ERP44: variants seen among roughly 807,000 people sequenced by gnomAD.
ERP44 encodes the protein endoplasmic reticulum resident protein 44.
ERP44 carries 25 observed loss-of-function variants against 53.4 expected under a neutral mutation model. The observed-to-expected ratio is 0.47, with a 90% confidence interval of 0.34 to 0.65. ERP44 has a LOEUF of 0.65. Ranked by LOEUF, ERP44 falls within the 30% of genes least tolerant of loss-of-function variation. The pLI, the probability that ERP44 is intolerant of heterozygous loss-of-function variation, is 0.01. For missense variants in ERP44, 338 were observed against 493.2 expected (o/e 0.69, Z 2.98); for synonymous variants, 145 against 161.2 (o/e 0.90, Z 0.76).
At chr9:100,028,248 C>G (rs1587967758) in intron 4 of ERP44, among the ~76,000 whole-genome samples, 4 of 152,158 alleles carry the variant, frequency 2.6e-5, no homozygotes, top group African/African-American at 9.7e-5. Context: ...TCTGCACTGA[C>G]CAGCAAGCAT....
intron 4 of ERP44, among the ~76,000 whole-genome samples, chr9:100,043,468 C>A (rs140394860): frequency 8.8e-4 from 134 of 151,850 alleles, no homozygotes; most frequent in African/African-American, 3.0e-3. Context: ...TTCAAAATAT[C>A]TTTTGGCCTG....
rs948647995 is a variant in ERP44 at position 99,983,097 on chromosome 9, A to G, written c.1120-384T>C. 6.6e-5 allele frequency among the ~76,000 whole-genome samples: 10 copies of G among 152,218 alleles called. No homozygotes were observed. The South Asian group carries it at 1.5e-3, about 22-fold the overall frequency. On this transcript the variant is annotated intron_variant, in intron 11 of 11. Transcript: ENST00000262455. ...ACTGCTAAGAGAATTAATGGCATCC[A>G]CTCTGTAGATATTATCTTAGTTATC...
chr9:100,072,924 A>C (rs1342243718), intron 1 of ERP44, among the ~76,000 whole-genome samples: 3 of 152,224 alleles, frequency 2.0e-5, no homozygotes, highest in Non-Finnish European at 2.9e-5. Context: ...TCTGAATTTT[A>C]GATTTTTATA....
intron 1 of ERP44, among the ~76,000 whole-genome samples, chr9:100,079,091 G>A (rs1360009597): frequency 6.6e-6 from 1 of 152,160 alleles, no homozygotes; most frequent in Non-Finnish European, 1.5e-5. Flanking sequence ...GTATGTCTGT[G>A]ATGGTGTTGC....
intron 1 of ERP44, among the ~76,000 whole-genome samples, chr9:100,090,943 C>A (rs569483481): frequency 6.6e-6 from 1 of 152,100 alleles, no homozygotes; most frequent in Non-Finnish European, 1.5e-5. Context: ...GACCTAACAA[C>A]CTTTTTCTAA....
chr9:100,033,814 T>C (rs1459573459), intron 4 of ERP44, among the ~76,000 whole-genome samples: 2 of 152,182 alleles, frequency 1.3e-5, no homozygotes, highest in Non-Finnish European at 2.9e-5. Flanking sequence ...GAGTTATGAA[T>C]GGCCCTCGAC....
chr9:100,067,942 G>A (rs983552416), intron 1 of ERP44, among the ~76,000 whole-genome samples: 26 of 151,824 alleles, frequency 1.7e-4, no homozygotes, highest in African/African-American at 6.0e-4. Flanking sequence ...GGGAAGTGAG[G>A]AGCGTCTCCG....
chr9:100,011,719 G>C (rs1460427787), intron 8 of ERP44, among the ~76,000 whole-genome samples: 1 of 152,066 alleles, frequency 6.6e-6, no homozygotes, highest in Non-Finnish European at 1.5e-5. Flanking sequence ...GAATTACTCA[G>C]AATCCAGGGA....
Position 99,985,600 on chromosome 9 carries a change from C to T in ERP44, c.1017-531G>A, listed in dbSNP as rs577843298. ...ACCAGGTGATCCTCTGCAGCCTTAA[C>T]GTAAAGCTTGTGAGCCTACTTTTGA... On this transcript the variant is annotated intron_variant, in intron 10 of 11. Coordinates refer to ENST00000262455, the MANE Select transcript of ERP44 (RefSeq NM_015051.3). Among the ~76,000 whole-genome samples the T allele has an allele frequency of 4.6e-5, 7 of 152,186 alleles. No individual in the cohort carries two copies. The East Asian group carries it at 9.6e-4, about 21-fold the overall frequency.
chr9:100,050,734 A>G (rs1826028283), intron 4 of ERP44, among the ~76,000 whole-genome samples: 1 of 152,244 alleles, frequency 6.6e-6, no homozygotes, highest in Non-Finnish European at 1.5e-5. Context: ...TGGTGGATTG[A>G]AAAGCATCTG....
chr9:100,095,015 T>C (rs1333792241), intron 1 of ERP44, among the ~76,000 whole-genome samples: 1 of 150,582 alleles, frequency 6.6e-6, no homozygotes, highest in Non-Finnish European at 1.5e-5. Flanking sequence ...AAGAGGGAGA[T>C]AAGACAGTAA....
chr9:100,006,531 C>A lies in ERP44; in HGVS notation c.991G>T (p.Val331Leu). The A allele has an allele frequency of 6.2e-7, 1 of 1,610,438 alleles. No homozygotes were observed. Among genetic ancestry groups the A allele is most frequent in the Non-Finnish European group, 8.5e-7 (1 of 1,178,382 alleles). The change falls in exon 10 of 12, where the codon GTG becomes TTG. Residue 331 changes from valine (V) to leucine (L), a missense_variant. Coordinates refer to ENST00000262455, the MANE Select transcript of ERP44 (RefSeq NM_015051.3). The stretch of plus-strand genomic sequence containing the variant: ...AATACATCTTTGAAGTCTCCAAACA[C>A]ATACATATGCCTAAAGCTGTCAATA... ...IAIDSFRHMY[V>L]FGDFKDVLIP...
At position 99,998,129 on chromosome 9, in the gene ERP44, T is replaced by G. The variant is rs184107332; in HGVS notation, c.1016+8377A>C. ...TGAGAATTCTGCTTAATTTAAGACA[T>G]GATCACTACTTTCTTTAGAATGGTT... On this transcript the variant is annotated intron_variant, in intron 10 of 11. Coordinates refer to ENST00000262455, the MANE Select transcript of ERP44 (RefSeq NM_015051.3). Among the ~76,000 whole-genome samples, 198 of 152,342 alleles carry G rather than the reference T, an allele frequency of 1.3e-3. 2 individuals are homozygous for G. The highest frequency in any genetic ancestry group is 5.3e-4 in the Non-Finnish European group (36 of 68,032).
At chr9:100,095,964 C>G (rs1436060251) in intron 1 of ERP44, among the ~76,000 whole-genome samples, 2 of 152,092 alleles carry the variant, frequency 1.3e-5, no homozygotes, top group Non-Finnish European at 2.9e-5. Context: ...ACTAAGCAAA[C>G]TTTTCTTGAC....
intron 1 of ERP44, among the ~76,000 whole-genome samples, chr9:100,079,594 T>C (rs181509974): frequency 3.9e-5 from 6 of 151,946 alleles, no homozygotes; most frequent in Admixed American, 1.3e-4. Context: ...GCCATAAAAA[T>C]ATATATTATA....
intron 6 of ERP44, among the ~76,000 whole-genome samples, chr9:100,020,176 A>G (rs1454672650): frequency 6.6e-6 from 1 of 152,178 alleles, no homozygotes; most frequent in Non-Finnish European, 1.5e-5. Context: ...TAGCCTTAGA[A>G]AGAATTGTTC....
chr9:100,078,920 T>C (rs1826388871), intron 1 of ERP44, among the ~76,000 whole-genome samples: 2 of 152,234 alleles, frequency 1.3e-5, no homozygotes, highest in Admixed American at 6.5e-5. Flanking sequence ...GATAGTTGTA[T>C]TATGTTAGGC....
chr9:100,007,533 A>G lies in ERP44; in HGVS notation c.874+45T>C, dbSNP rs761829637. On this transcript the variant is annotated intron_variant, in intron 9 of 11. Transcript: ENST00000262455. ...GGAGATGATGAAAGGGAAAAAAAGA[A>G]AAGAGAGAAAGAAATGATGAAAATA... 8.5e-5 allele frequency: 83 copies of G among 975,234 alleles called. No homozygotes were observed. In the Admixed American group the frequency reaches 1.5e-3, roughly 17 times the overall value. The allele number at this position is 975,234 out of a possible 1,614,324, so 60.4% of individuals were successfully genotyped here.
At chr9:99,984,826 G>GTA in intron 11 of ERP44, 141 bp downstream of exon 11, 1 of 552,918 alleles carries the variant, frequency 1.8e-6, no homozygotes, top group Non-Finnish European at 3.2e-6. Context: ...TAATTTAAAA[G>GTA]GTTAATTTCT....
Sources: allele counts gnomAD v4.1 joint callset (sites outside exome capture counted in the v4.1 genomes callset), GRCh38; gene constraint gnomAD v4.1.1; transcripts MANE v1.5; gene names NCBI Gene and HGNC (gene_info 2026-07-23, HGNC 2026-07-21).